SMC2: variants seen among roughly 807,000 people sequenced by gnomAD.
SMC2 encodes the protein structural maintenance of chromosomes 2, also known as structural maintenance of chromosomes protein 2.
SMC2 carries 41 observed loss-of-function variants against 142.6 expected under a neutral mutation model. The ratio of observed to expected loss-of-function variants is 0.29; its 90% CI spans 0.22 to 0.37. The LOEUF is 0.37. Ranked by LOEUF, SMC2 falls within the 10% of genes least tolerant of loss-of-function variation. SMC2 has a pLI of 1.00. For missense variants in SMC2, 1,265 were observed against 1,373.7 expected (o/e 0.92, Z 1.25); for synonymous variants, 463 against 457.5 (o/e 1.01, Z -0.15).
chr9:104,123,279 C>T (rs768203611), intron 17 of SMC2, 47 bp downstream of exon 17: 27 of 1,576,750 alleles, frequency 1.7e-5, no homozygotes, highest in Non-Finnish European at 2.3e-5. Flanking sequence ...TATTCATATC[C>T]GTTACCTTAC....
Position 104,135,780 on chromosome 9 carries a change from C to T in SMC2, c.3269+1205C>T, listed in dbSNP as rs149926677. Reference sequence around the variant, plus strand: ...ATGTAAGCCAGAAGTCTGGAACATCCGTAAAGTGCTGAAAGTATATGTCAA... The same window carrying T: ...ATGTAAGCCAGAAGTCTGGAACATCTGTAAAGTGCTGAAAGTATATGTCAA... On this transcript the variant is annotated intron_variant, in intron 23 of 24. Coordinates refer to ENST00000374793, the MANE Select transcript of SMC2 (RefSeq NM_006444.3). 3.7e-4 allele frequency: 187 copies of T among 511,628 alleles called. 1 individual carries two copies. In the East Asian group the frequency reaches 6.1e-3, roughly 17 times the overall value. 31.7% of individuals were successfully genotyped at this position (511,628 alleles called of 1,614,324 possible). A position where few individuals can be genotyped will look rare whatever the true frequency, so the allele number is the denominator to read the frequency against.
chr9:104,130,674 G>A (rs1000259871), intron 21 of SMC2, among the ~76,000 whole-genome samples: 1 of 152,082 alleles, frequency 6.6e-6, no homozygotes, highest in African/African-American at 2.4e-5. Flanking sequence ...CAGGTATTGT[G>A]ATCTCTCTAG....
intron 13 of SMC2, 115 bp from the exon 14 acceptor site, chr9:104,116,085 C>T (rs1833078191): frequency 2.3e-6 from 2 of 874,794 alleles, no homozygotes; most frequent in Non-Finnish European, 3.3e-6. Context: ...GTAATTATAA[C>T]TTGATTGGGA....
Position 104,129,782 on chromosome 9 carries a change from G to A in SMC2, c.2928G>A (p.Lys976=). The change falls in exon 21 of 25, where the codon AAG becomes AAA. Residue 976 remains lysine, a synonymous_variant. Coordinates refer to ENST00000374793, the MANE Select transcript of SMC2 (RefSeq NM_006444.3). ...GQRLQKLQEM[K]EKLGRNVNMR... ...GACTTCAGAAGTTGCAAGAAATGAA[G>A]GAGAAACTAGGAAGAAATGTCAATA... 3.1e-6 allele frequency: 5 copies of A among 1,613,890 alleles called. No individual in the cohort carries two copies. Among genetic ancestry groups the A allele is most frequent in the Non-Finnish European group, 4.2e-6 (5 of 1,179,886 alleles).
In SMC2 at chr9:104,129,675, A is replaced by G; in HGVS notation, c.2821A>G (p.Ile941Val). Residue 941 changes from isoleucine (I) to valine (V), a missense_variant, in exon 21 of 25, where the codon ATT becomes GTT. Around this residue, in one of 4 missense-constraint regions of SMC2, gnomAD observed 898 missense variants for 904.2 expected, o/e 0.99. Transcript: ENST00000374793. ...VSKMLKDYDW[I>V]NAERHLFGQP... ...CAAAATGTTGAAAGATTATGACTGGATTAATGCAGAGAGACACCTCTTTGG... is the reference window on the plus strand; with the variant it reads ...CAAAATGTTGAAAGATTATGACTGGGTTAATGCAGAGAGACACCTCTTTGG... 1 of 1,613,988 alleles carries G rather than the reference A, an allele frequency of 6.2e-7. No homozygotes were observed.
rs1363627133 is a variant in SMC2, at chr9:104,094,445, T to TG, written c.-90dup. On this transcript the variant is annotated 5_prime_UTR_variant, in exon 1 of 25. Transcript: ENST00000374793. ...TGCCTTTGTGACCCGGAGGAGCTTTTGGGGTGCGTCAAGCCCCTGGCCTGA... is the reference window on the plus strand; with the variant it reads ...TGCCTTTGTGACCCGGAGGAGCTTTTGGGGGTGCGTCAAGCCCCTGGCCTGA... 2.6e-6 allele frequency: 1 copy of TG among 378,790 alleles called. No homozygotes were observed. Among genetic ancestry groups the TG allele is most frequent in the Non-Finnish European group, 4.6e-6 (1 of 215,678 alleles). The allele number at this position is 378,790 out of a possible 1,614,324, so 23.5% of individuals were successfully genotyped here.
At chr9:104,116,450 C>T in intron 14 of SMC2, 131 bp downstream of exon 14, 2 of 751,552 alleles carry the variant, frequency 2.7e-6, no homozygotes, top group Admixed American at 3.8e-5. Context: ...ATTGGGTTGG[C>T]TTGTGCAATT....
At chr9:104,102,357 CATACA>C in intron 8 of SMC2, 62 bp from the exon 9 acceptor site, 2 of 1,417,294 alleles carry the variant, frequency 1.4e-6, no homozygotes, top group South Asian at 2.7e-5. Flanking sequence ...ATACAGAACT[CATACA>C]ATAAAATGAC....
intron 4 of SMC2, 135 bp from the exon 5 acceptor site, chr9:104,099,509 A>C: frequency 1.7e-6 from 1 of 591,636 alleles, no homozygotes; most frequent in East Asian, 3.1e-5. Context: ...TCATAGAAGA[A>C]TTATAGAGGA....
Position 104,114,766 on chromosome 9 carries a change from T to G in SMC2, c.1608T>G (p.Ser536=), listed in dbSNP as rs760354109. The change falls in exon 13 of 25, where the codon TCT becomes TCG. Residue 536 remains serine (S), a synonymous_variant. Transcript: ENST00000374793. The part of the protein sequence containing the change: ...VASLISVKDT[S]ATTALELVAG... ...CTCTGATTAGTGTGAAAGACACTTCTGCAACCACAGCTTTAGAATTAGTGG... is the reference window on the plus strand; with the variant it reads ...CTCTGATTAGTGTGAAAGACACTTCGGCAACCACAGCTTTAGAATTAGTGG... 4.3e-6 allele frequency: 7 copies of G among 1,613,144 alleles called. No homozygotes were observed. The African/African-American group carries it at 9.3e-5, about 22-fold the overall frequency.
chr9:104,109,578 G>A (rs1323305421), intron 9 of SMC2, among the ~76,000 whole-genome samples: 1 of 152,132 alleles, frequency 6.6e-6, no homozygotes, highest in African/African-American at 2.4e-5. Flanking sequence ...AAATCCTTCA[G>A]TGGTTTCCGA....
chr9:104,100,074 A>G lies in SMC2; in HGVS notation c.481-19A>G, dbSNP rs537992297. ...CACATTGTCTTGGATACTAAACATT[A>G]ATAAAATTGTCATTCCAGATTTTAT... On this transcript the variant is annotated intron_variant, in intron 5 of 24. Coordinates refer to ENST00000374793, the MANE Select transcript of SMC2 (RefSeq NM_006444.3). 1 of 1,316,070 alleles carries G rather than the reference A, an allele frequency of 7.6e-7. No individual in the cohort carries two copies. Among genetic ancestry groups the G allele is most frequent in the South Asian group, 1.3e-5 (1 of 76,936 alleles). 81.5% of individuals were successfully genotyped at this position (1,316,070 alleles called of 1,614,324 possible). A position where few individuals can be genotyped will look rare whatever the true frequency, so the allele number is the denominator to read the frequency against.
At chr9:104,108,422 C>G (rs1022268853) in intron 9 of SMC2, among the ~76,000 whole-genome samples, 1 of 152,132 alleles carries the variant, frequency 6.6e-6, no homozygotes, top group Non-Finnish European at 1.5e-5. Context: ...TCCATATACT[C>G]GTCCTCTAGA....
rs773378335 is a variant in SMC2 at position 104,120,137 on chromosome 9, G to A, written c.2107G>A (p.Ala703Thr). Residue 703 changes from alanine to threonine, a missense_variant, in exon 16 of 25, where the codon GCA (alanine) becomes ACA (threonine). Around this residue, in one of 4 missense-constraint regions of SMC2, gnomAD observed 898 missense variants for 904.2 expected, o/e 0.99. Coordinates refer to ENST00000374793, the MANE Select transcript of SMC2 (RefSeq NM_006444.3). The part of the protein sequence containing the change: ...NELRALEEEL[A>T]GLKNTAEKYR... Reference sequence around the variant, plus strand: ...GCTGCGGGCTCTAGAAGAGGAATTAGCAGGTCTTAAAAACACTGCTGAAAA... The same window carrying A: ...GCTGCGGGCTCTAGAAGAGGAATTAACAGGTCTTAAAAACACTGCTGAAAA... 2.5e-6 allele frequency: 4 copies of A among 1,612,278 alleles called. No individual in the cohort carries two copies. Among genetic ancestry groups the A allele is most frequent in the East Asian group, 4.5e-5 (2 of 44,788 alleles).
chr9:104,124,935 A>T lies in SMC2; in HGVS notation c.2281A>T (p.Asn761Tyr). 2 of 1,592,016 alleles carry T rather than the reference A, an allele frequency of 1.3e-6. No homozygotes were observed. The highest frequency in any genetic ancestry group is 1.7e-6 in the Non-Finnish European group (2 of 1,174,910). The change falls in exon 18 of 25, where the codon AAC becomes TAC. Residue 761 changes from asparagine to tyrosine, a missense_variant. This residue lies in a region of SMC2 where 898 missense variants were observed against 904.2 expected (regional missense o/e 0.99). Transcript: ENST00000374793. ...TIEESEETLK[N>Y]TKEIQRKAEE... ...AGAGGAAAGTGAGGAGACTTTGAAAAACACTAAAGAAATCCAAAGAAAAGC... is the reference window on the plus strand; with the variant it reads ...AGAGGAAAGTGAGGAGACTTTGAAATACACTAAAGAAATCCAAAGAAAAGC...
intron 5 of SMC2, 109 bp downstream of exon 5, chr9:104,099,791 A>G (rs1830908319): frequency 1.4e-6 from 1 of 709,712 alleles, no homozygotes; most frequent in African/African-American, 1.8e-5. Context: ...TTATTTGGGA[A>G]TGATTAGTAA....
intron 7 of SMC2, 21 bp from the exon 8 acceptor site, chr9:104,101,939 T>C: frequency 7.0e-7 from 1 of 1,438,166 alleles, no homozygotes; most frequent in Non-Finnish European, 9.6e-7. Flanking sequence ...AGTTATTCTT[T>C]TTTTGTGATT....
chr9:104,106,613 G>A (rs1470349498), intron 9 of SMC2, among the ~76,000 whole-genome samples: 7 of 151,992 alleles, frequency 4.6e-5, no homozygotes, highest in Admixed American at 3.9e-4. Flanking sequence ...GTCTGGTCTC[G>A]AACTCCCGAC....
At chr9:104,111,490 T>C in intron 9 of SMC2, 91 bp from the exon 10 acceptor site, 6 of 694,268 alleles carry the variant, frequency 8.6e-6, no homozygotes, top group Non-Finnish European at 1.5e-5. Flanking sequence ...TCCAAATTGC[T>C]ATGGAATTTT....
Sources: allele counts gnomAD v4.1 joint callset (sites outside exome capture counted in the v4.1 genomes callset), GRCh38; gene constraint gnomAD v4.1.1; regional missense constraint gnomAD v4.1.1; transcripts MANE v1.5; gene names NCBI Gene and HGNC (gene_info 2026-07-23, HGNC 2026-07-21).